Variants in OTOF observed in about 807,000 individuals in gnomAD.
The protein encoded by OTOF is fer-1-like family member 2.
Under a neutral mutation model 236.8 loss-of-function variants are expected in OTOF, and 218 were observed. The ratio of observed to expected loss-of-function variants is 0.92; its 90% confidence interval spans 0.82 to 1.03. The LOEUF is 1.03. Among genes scored for constraint, OTOF ranks in the 50% least tolerant of loss-of-function variants. The pLI, the probability that OTOF is intolerant of heterozygous loss-of-function variation, is 0.00. For synonymous variants in OTOF, 1,041 were observed against 1,072.5 expected, an observed-to-expected ratio of 0.97 and a Z score of 0.57; for missense variants, 2,590 against 2,694.4, an observed-to-expected ratio of 0.96 and a Z score of 0.86.
At chr2:26,542,885 C>T (rs140452047) in intron 1 of OTOF, among the ~76,000 whole-genome samples, 30 of 152,168 alleles carry the variant, frequency 2.0e-4, no homozygotes, top group African/African-American at 7.0e-4. Flanking sequence ...TTTGCCAGGG[C>T]CCAGCCCACT....
At position 26,510,642 on chromosome 2, in the gene OTOF, T is replaced by C. The variant is rs112336152; in HGVS notation, c.509+5776A>G. ...AGCCCATCCCGCCCTCCACAGCCTG[T>C]GGGGAGGAGGCCTCTGTCTCCCCAG... is the stretch of plus-strand genomic sequence containing the variant. On this transcript the variant is annotated intron_variant, in intron 5 of 46. Coordinates refer to ENST00000272371, the MANE Select transcript of OTOF (RefSeq NM_194248.3). 2.5e-4 allele frequency: 272 copies of C among 1,104,306 alleles called. 4 individuals carry two copies. In the African/African-American group the frequency reaches 3.2e-3, roughly 13 times the overall value. 68.4% of individuals were successfully genotyped at this position (1,104,306 alleles called of 1,614,324 possible). A position where few individuals can be genotyped will look rare whatever the true frequency, so the allele number is the denominator to read the frequency against.
intron 3 of OTOF, among the ~76,000 whole-genome samples, chr2:26,524,820 C>T (rs1177905465): frequency 6.6e-6 from 1 of 152,222 alleles, no homozygotes; most frequent in African/African-American, 2.4e-5. Context: ...CCCATGTGAC[C>T]TCAGGTTCCC....
intron 46 of OTOF, among the ~76,000 whole-genome samples, chr2:26,458,883 G>A (rs999282946): frequency 6.6e-6 from 1 of 152,266 alleles, no homozygotes; most frequent in Non-Finnish European, 1.5e-5. Context: ...AGTATTGGTG[G>A]GGACACAGAG....
chr2:26,468,334 T>C (rs1006755484), intron 33 of OTOF, 74 bp downstream of exon 33: 1 of 1,070,510 alleles, frequency 9.3e-7, no homozygotes. Context: ...GAGAAGCAGG[T>C]GATGAGGTGG....
intron 41 of OTOF, 25 bp downstream of exon 41, chr2:26,463,458 T>G: frequency 6.4e-7 from 1 of 1,556,408 alleles, no homozygotes; most frequent in Non-Finnish European, 8.7e-7. Flanking sequence ...CGGAAGGGAG[T>G]AGCGCTGGGC....
chr2:26,488,931 T>C (rs1278121015), intron 11 of OTOF, among the ~76,000 whole-genome samples: 1 of 152,232 alleles, frequency 6.6e-6, no homozygotes, highest in Non-Finnish European at 1.5e-5. Flanking sequence ...TGCCATGCAC[T>C]CCAGAGCGTG....
chr2:26,537,758 A>G lies in OTOF; in HGVS notation c.96T>C (p.Ser32=), dbSNP rs1416085852. The change falls in exon 2 of 47, where the codon TCT becomes TCC. Residue 32 remains serine (S), a synonymous_variant. Coordinates refer to ENST00000272371, the MANE Select transcript of OTOF (RefSeq NM_194248.3). ...CATCCTCACAGTTCTCCAGGACCCG[A>G]GAGTAGAAGGATTGCCCTGTGGGGA... The part of the protein sequence containing the change: ...KVTFRGQSFY[S]RVLENCEDVA... The G allele has an allele frequency of 6.4e-7, 1 of 1,554,590 alleles. No homozygotes were observed. Among genetic ancestry groups the G allele is most frequent in the East Asian group, 2.4e-5 (1 of 41,204 alleles).
At chr2:26,491,032 G>T (rs913796932) in intron 9 of OTOF, among the ~76,000 whole-genome samples, 1 of 152,154 alleles carries the variant, frequency 6.6e-6, no homozygotes, top group East Asian at 1.9e-4. Context: ...GATACCTGGG[G>T]AGAGCATGGG....
At position 26,464,057 on chromosome 2, in the gene OTOF, G is replaced by A. The variant is rs1572404900; in HGVS notation, c.5010C>T (p.His1670=). ...DEHVALLALR[H]WEDIPRAGCR... is the part of the protein sequence containing the mutation. ...AGCCTGCGCGGGGGATGTCCTCCCA[G>A]TGCCTCAGGGCCAACAGCGCCACAT... The change falls in exon 40 of 47, where the codon CAC becomes CAT. Residue 1670 remains histidine, a synonymous_variant. Coordinates refer to ENST00000272371, the MANE Select transcript of OTOF (RefSeq NM_194248.3). 1.9e-6 allele frequency: 3 copies of A among 1,613,740 alleles called. No individual in the cohort carries two copies. The highest frequency in any genetic ancestry group is 2.5e-6 in the Non-Finnish European group (3 of 1,180,020).
intron 8 of OTOF, among the ~76,000 whole-genome samples, chr2:26,500,504 C>T (rs1322435257): frequency 6.6e-6 from 1 of 152,144 alleles, no homozygotes; most frequent in Non-Finnish European, 1.5e-5. Context: ...CTTGGAAAAG[C>T]CCTCGGAAGT....
intron 33 of OTOF, among the ~76,000 whole-genome samples, chr2:26,467,709 A>C (rs902126755): frequency 6.6e-6 from 1 of 152,158 alleles, no homozygotes; most frequent in African/African-American, 2.4e-5. Flanking sequence ...GTGTCTGAAG[A>C]CTGTCTTCAT....
Position 26,461,838 on chromosome 2 carries a change from G to C in OTOF, c.5391C>G (p.Phe1797Leu), listed in dbSNP as rs61747275. The change falls in exon 43 of 47, where the codon TTC becomes TTG. Residue 1797 changes from phenylalanine (F) to leucine (L), a missense_variant. By Grantham distance (22) the Phe-to-Leu change is conservative (BLOSUM62 0). Around this residue, in one of 2 missense-constraint regions of OTOF, gnomAD observed 1,211 missense variants for 1,352.8 expected, o/e 0.90. Coordinates refer to ENST00000272371, the MANE Select transcript of OTOF (RefSeq NM_194248.3). This position sits in a 1 kb window ranked among gnomAD's most constrained non-coding sequence, Gnocchi z 6.2. ...GNFNWRYLFP[F>L]DYLAAEEKIV... ...TCTTCTCCTCCGCCGCCAGGTAGTC[G>C]AAGGGGAACAGGTAGCGCCAGTTGA... 6.2e-7 allele frequency: 1 copy of C among 1,614,046 alleles called. No homozygotes were observed. Among genetic ancestry groups the C allele is most frequent in the South Asian group, 1.1e-5 (1 of 91,096 alleles).
At chr2:26,510,722 G>A in intron 5 of OTOF, 1 of 1,289,280 alleles carries the variant, frequency 7.8e-7, no homozygotes. Context: ...CGTCATCTCT[G>A]CCTCCCTTGG....
At chr2:26,503,669 A>T (rs1176498764) in intron 6 of OTOF, 103 bp downstream of exon 6, 2 of 989,528 alleles carry the variant, frequency 2.0e-6, no homozygotes, top group Admixed American at 3.4e-5. Flanking sequence ...CCCTGGGACG[A>T]CCTATCCCAG....
At chr2:26,524,624 T>A (rs947097659) in intron 3 of OTOF, among the ~76,000 whole-genome samples, 5 of 152,262 alleles carry the variant, frequency 3.3e-5, no homozygotes, top group Admixed American at 3.3e-4. Flanking sequence ...TAGCAGTCTT[T>A]TGATGGGCTC....
rs112851717 is a variant in OTOF, at chr2:26,465,072, T to C, written c.4800-43A>G. 100 of 1,422,634 alleles carry C rather than the reference T, an allele frequency of 7.0e-5. No homozygotes were observed. In the African/African-American group the frequency reaches 1.4e-3, roughly 20 times the overall value. 88.1% of individuals were successfully genotyped at this position (1,422,634 alleles called of 1,614,324 possible). A position where few individuals can be genotyped will look rare whatever the true frequency, so the allele number is the denominator to read the frequency against. ...CAGGCTTGGAGGGGCTGGGTGGGAC[T>C]AAGCCATCCTGGATGACAGCTGGTC... On this transcript the variant is annotated intron_variant, in intron 38 of 46. Coordinates refer to ENST00000272371, the MANE Select transcript of OTOF (RefSeq NM_194248.3).
intron 5 of OTOF, among the ~76,000 whole-genome samples, chr2:26,512,047 G>C (rs1211667475): frequency 6.6e-6 from 1 of 152,140 alleles, no homozygotes; most frequent in Non-Finnish European, 1.5e-5. Flanking sequence ...GCCTCCACTG[G>C]AGTGGAAGAA....
chr2:26,503,359 C>T (rs896331150), intron 6 of OTOF, among the ~76,000 whole-genome samples: 4 of 152,244 alleles, frequency 2.6e-5, no homozygotes, highest in African/African-American at 7.2e-5. Context: ...CAGGACCTCC[C>T]CAAAGGCCAG....
chr2:26,489,328 C>T, intron 10 of OTOF, 33 bp from the exon 11 acceptor site: 4 of 1,549,138 alleles, frequency 2.6e-6, no homozygotes, highest in Non-Finnish European at 3.5e-6. Context: ...ACCCGTCAGG[C>T]CCAGCAAGGG....
Sources: gnomAD v4.1 joint callset for allele counts (sites outside exome capture counted in the v4.1 genomes callset) on GRCh38, gnomAD v4.1.1 for gene constraint, gnomAD v4.1.1 regional missense constraint, Gnocchi (gnomAD v3.1) non-coding constraint, MANE v1.5 for transcripts, NCBI Gene and HGNC (gene_info 2026-07-23, HGNC 2026-07-21) for gene names.